The following ENTREP1 variants were observed in gnomAD, a reference collection of about 807,000 sequenced individuals.
The protein encoded by ENTREP1 is endosomal transmembrane epsin interactor 1, also known as Friedreich ataxia region gene X123.
At chr9:69,371,672 C>T in the ENTREP1 span, 2,123 of 1,081,356 alleles carry the variant, frequency 2.0e-3, 27 homozygotes, top group African/African-American at 0.026. Context: ...GTGTTCCTGG[C>T]GAGACTTGCA....
chr9:69,346,929 G>A, the ENTREP1 span, among the ~76,000 whole-genome samples: 1 of 152,190 alleles, frequency 6.6e-6, no homozygotes, highest in Non-Finnish European at 1.5e-5. Context: ...CTTCTCATGG[G>A]GAAAAGGGGA....
the ENTREP1 span, among the ~76,000 whole-genome samples, chr9:69,338,002 A>G: frequency 6.6e-6 from 1 of 152,186 alleles, no homozygotes; most frequent in East Asian, 1.9e-4. Flanking sequence ...TGTCAGAATA[A>G]CTAATGGATC....
the ENTREP1 span, among the ~76,000 whole-genome samples, chr9:69,341,016 AAC>A: frequency 6.6e-6 from 1 of 152,232 alleles, no homozygotes; most frequent in African/African-American, 2.4e-5. Context: ...TAGAAAACAG[AAC>A]AGTCTTAATA....
the ENTREP1 span, chr9:69,371,226 G>A: frequency 2.3e-6 from 1 of 440,742 alleles, no homozygotes; most frequent in South Asian, 2.1e-5. Flanking sequence ...AGTGTAATGT[G>A]TGGGTGGAAG....
chr9:69,377,852 AAAAG>A, the ENTREP1 span: 7 of 1,323,974 alleles, frequency 5.3e-6, no homozygotes, highest in Non-Finnish European at 2.0e-6. Context: ...TTGAAAAAGA[AAAAG>A]AAAAATTTTT....
the ENTREP1 span, chr9:69,371,265 G>C: frequency 1.8e-6 from 1 of 541,540 alleles, no homozygotes; most frequent in African/African-American, 1.9e-5. Flanking sequence ...TTTTCAAAGA[G>C]AGAAAAATAA....
the ENTREP1 span, chr9:69,324,722 C>G: frequency 7.1e-6 from 7 of 984,862 alleles, no homozygotes; most frequent in Non-Finnish European, 8.4e-6. Context: ...TCGAGTCGCC[C>G]CAAAGCCCCT....
chr9:69,325,359 T>C, the ENTREP1 span: 4 of 1,177,768 alleles, frequency 3.4e-6, no homozygotes, highest in African/African-American at 6.4e-5. Flanking sequence ...GTGGCTGGGC[T>C]TTCGGGTGGG....
the ENTREP1 span, chr9:69,377,810 C>T: frequency 6.8e-7 from 1 of 1,470,882 alleles, no homozygotes; most frequent in Admixed American, 2.2e-5. Flanking sequence ...TGAAGTGTCT[C>T]CAGAACTCAC....
At chr9:69,388,310 C>T in the ENTREP1 span, 1 of 1,614,208 alleles carries the variant, frequency 6.2e-7, no homozygotes, top group East Asian at 2.2e-5. Flanking sequence ...CACCAAGCTG[C>T]TGGTGGCGAG....
chr9:69,365,222 CGT>C, the ENTREP1 span, among the ~76,000 whole-genome samples: 1 of 152,234 alleles, frequency 6.6e-6, no homozygotes, highest in South Asian at 2.1e-4. Context: ...AACATTCTTC[CGT>C]GTGTTTCCAG....
chr9:69,374,959 A>C, the ENTREP1 span, among the ~76,000 whole-genome samples: 1 of 152,214 alleles, frequency 6.6e-6, no homozygotes, highest in Non-Finnish European at 1.5e-5. Flanking sequence ...GTTGCCTGGA[A>C]TCATTTTGCA....
the ENTREP1 span, among the ~76,000 whole-genome samples, chr9:69,340,752 T>C: frequency 1.0e-5 from 1 of 97,878 alleles, no homozygotes; most frequent in Non-Finnish European, 2.1e-5. Flanking sequence ...TGTGTTTGTG[T>C]GTGTGCGTGC....
At chr9:69,360,510 C>T in the ENTREP1 span, among the ~76,000 whole-genome samples, 1 of 152,146 alleles carries the variant, frequency 6.6e-6, no homozygotes, top group East Asian at 1.9e-4. Context: ...CAAAGGTTAA[C>T]TTGTTCAAAG....
At chr9:69,358,206 A>C in the ENTREP1 span, among the ~76,000 whole-genome samples, 3 of 152,288 alleles carry the variant, frequency 2.0e-5, no homozygotes, top group African/African-American at 4.8e-5. Flanking sequence ...TGAAGTCCCA[A>C]CACTTGCTGT....
At chr9:69,386,422 C>T in the ENTREP1 span, 1 of 130,750 alleles carries the variant, frequency 7.6e-6, no homozygotes, top group Non-Finnish European at 1.6e-5. Context: ...GAAGTACACG[C>T]ACCCACACAA....
chr9:69,375,907 G>A, the ENTREP1 span: 1 of 1,578,514 alleles, frequency 6.3e-7, no homozygotes, highest in African/African-American at 1.4e-5. Context: ...ATACACCACG[G>A]AGCCCCCAAA....
the ENTREP1 span, chr9:69,377,238 G>T: frequency 1.5e-6 from 1 of 678,052 alleles, no homozygotes; most frequent in Non-Finnish European, 2.7e-6. Context: ...CACCATCTAA[G>T]TCCTTTACAT....
chr9:69,363,505 T>C, the ENTREP1 span, among the ~76,000 whole-genome samples: 4 of 152,184 alleles, frequency 2.6e-5, no homozygotes, highest in African/African-American at 9.7e-5. Context: ...AAGGGACGAC[T>C]CACAAAGATA....
Sources: allele counts gnomAD v4.1 joint callset (sites outside exome capture counted in the v4.1 genomes callset), GRCh38; gene constraint gnomAD v4.1.1; transcripts MANE v1.5; gene names NCBI Gene and HGNC (gene_info 2026-07-23, HGNC 2026-07-21).